The following TAFA5 variants were observed in gnomAD, a reference collection of about 807,000 sequenced individuals.
TAFA5 encodes chemokine-like protein TAFA-5.
In TAFA5, 6 loss-of-function variants were observed where a neutral mutation model predicts 15.3. The observed-to-expected ratio is 0.39, with a 90% CI of 0.21 to 0.77. The LOEUF (loss-of-function observed/expected upper bound fraction) is 0.77. TAFA5 is among the 30% of genes least tolerant of loss of function. The pLI, the probability that TAFA5 is intolerant of heterozygous loss-of-function variation, is 0.41. For missense variants in TAFA5, 161 were observed against 193.1 expected, an observed-to-expected ratio of 0.83 and a Z score of 0.98; for synonymous variants, 103 against 80.7, an observed-to-expected ratio of 1.28 and a Z score of -1.48.
chr22:48,686,484 A>G (rs766220230), intron 2 of TAFA5, among the ~76,000 whole-genome samples: 10 of 152,136 alleles, frequency 6.6e-5, no homozygotes, highest in Non-Finnish European at 1.3e-4. Context: ...TTATGGCCTA[A>G]TCACTGCCCA....
intron 1 of TAFA5, chr22:48,547,145 A>G (rs1265753227): frequency 6.6e-6 from 1 of 152,418 alleles, no homozygotes; most frequent in South Asian, 2.1e-4. Flanking sequence ...GATGGTATCT[A>G]TATTTTCAAA....
rs1031599564 is a variant in TAFA5, at chr22:48,516,278, T to A, written c.112+26574T>A. Among the ~76,000 whole-genome samples the A allele has an allele frequency of 6.6e-5, 10 of 152,316 alleles. No individual in the cohort carries two copies. In the East Asian group the frequency reaches 7.7e-4, roughly 12 times the overall value. ...ATGCTTGTGGAGATTGGGAATTTTT[T>A]AACTACATATTAACGGCTTTTCTTA... On this transcript the variant is annotated intron_variant, in intron 1 of 3. Coordinates refer to ENST00000402357, the MANE Select transcript of TAFA5 (RefSeq NM_001082967.3).
chr22:48,540,936 G>T (rs907746973), intron 1 of TAFA5, among the ~76,000 whole-genome samples: 6 of 151,854 alleles, frequency 4.0e-5, no homozygotes, highest in South Asian at 2.1e-4. Flanking sequence ...AGGTAACACA[G>T]GTCCTGGTAG....
At chr22:48,638,960 G>A (rs1458814073) in intron 1 of TAFA5, among the ~76,000 whole-genome samples, 2 of 143,840 alleles carry the variant, frequency 1.4e-5, no homozygotes, top group Non-Finnish European at 3.0e-5. Flanking sequence ...CTAAGCCCTG[G>A]GACACCACAC....
At chr22:48,605,739 C>T (rs967271981) in intron 1 of TAFA5, among the ~76,000 whole-genome samples, 1 of 152,128 alleles carries the variant, frequency 6.6e-6, no homozygotes, top group Admixed American at 6.5e-5. Flanking sequence ...GGGCTTTGCC[C>T]CTCTCACCCT....
chr22:48,682,489 A>G lies in TAFA5; in HGVS notation c.263-25228A>G, dbSNP rs140927997. ...CCCTGGTGACCCCACGTCCCACAGG[A>G]CCAGGCTGAGGCTGAAAAGAGGTCT... On this transcript the variant is annotated intron_variant, in intron 2 of 3. Coordinates refer to ENST00000402357, the MANE Select transcript of TAFA5 (RefSeq NM_001082967.3). Among the ~76,000 whole-genome samples, 404 of 152,338 alleles carry G rather than the reference A, an allele frequency of 2.7e-3. 13 individuals are homozygous for G. In the East Asian group the frequency reaches 0.062, roughly 23 times the overall value.
At chr22:48,540,132 A>G (rs1307674082) in intron 1 of TAFA5, among the ~76,000 whole-genome samples, 1 of 152,212 alleles carries the variant, frequency 6.6e-6, no homozygotes, top group African/African-American at 2.4e-5. Flanking sequence ...GGCCACCAGG[A>G]CTTGTGCCTT....
At chr22:48,652,019 A>T (rs1047010878) in intron 2 of TAFA5, among the ~76,000 whole-genome samples, 8 of 152,172 alleles carry the variant, frequency 5.3e-5, no homozygotes, top group African/African-American at 1.9e-4. Flanking sequence ...CATCATGCCT[A>T]GCTGCTCATG....
At chr22:48,696,592 C>T (rs972918585) in intron 2 of TAFA5, among the ~76,000 whole-genome samples, 1 of 152,230 alleles carries the variant, frequency 6.6e-6, no homozygotes, top group African/African-American at 2.4e-5. Flanking sequence ...GGAGCTCCCC[C>T]CAACTGCAGA....
intron 3 of TAFA5, among the ~76,000 whole-genome samples, chr22:48,725,949 ACC>A (rs1929702820): frequency 6.6e-6 from 1 of 152,086 alleles, no homozygotes; most frequent in Non-Finnish European, 1.5e-5. Context: ...AAACAAAAAC[ACC>A]CTGGATCTAG....
At chr22:48,601,788 G>A (rs1042338919) in intron 1 of TAFA5, among the ~76,000 whole-genome samples, 3 of 152,080 alleles carry the variant, frequency 2.0e-5, no homozygotes, top group Non-Finnish European at 2.9e-5. Flanking sequence ...CACACCCCAC[G>A]CCATCTGTGA....
chr22:48,663,992 A>T (rs1048034499), intron 2 of TAFA5, among the ~76,000 whole-genome samples: 1 of 152,258 alleles, frequency 6.6e-6, no homozygotes, highest in African/African-American at 2.4e-5. Context: ...AAAAAATCAC[A>T]TGCTGAGGTT....
At position 48,546,486 on chromosome 22, in the gene TAFA5, G is replaced by T. The variant is rs1227058160; in HGVS notation, c.112+56782G>T. On this transcript the variant is annotated intron_variant, in intron 1 of 3. Coordinates refer to ENST00000402357, the MANE Select transcript of TAFA5 (RefSeq NM_001082967.3). Reference sequence around the variant, plus strand: ...GAAAGAATCCCCTTTCTCAAACGGGGTGTGTGGACGCCCCTGTTTTTCTCA... The same window carrying T: ...GAAAGAATCCCCTTTCTCAAACGGGTTGTGTGGACGCCCCTGTTTTTCTCA... 5 of 470,820 alleles carry T rather than the reference G, an allele frequency of 1.1e-5. No homozygotes were observed. In the East Asian group the frequency reaches 3.5e-4, roughly 33 times the overall value. 29.2% of individuals were successfully genotyped at this position (470,820 alleles called of 1,614,324 possible).
At chr22:48,502,731 G>A (rs868604782) in intron 1 of TAFA5, among the ~76,000 whole-genome samples, 1 of 151,938 alleles carries the variant, frequency 6.6e-6, no homozygotes, top group Non-Finnish European at 1.5e-5. Context: ...CATGTTGGCC[G>A]GGCTGATTTC....
rs140850855 is a variant in TAFA5, at chr22:48,659,972, G to T, written c.262+13226G>T. Among the ~76,000 whole-genome samples, 21 of 152,284 alleles carry T rather than the reference G, an allele frequency of 1.4e-4. No homozygotes were observed. In the East Asian group the frequency reaches 3.5e-3, roughly 25 times the overall value. ...GATGCTTTGATCATGTGACTTGGAGGGGGGTGAGTGGGGTTGCCTCCCTGT... is the reference window on the plus strand; with the variant it reads ...GATGCTTTGATCATGTGACTTGGAGTGGGGTGAGTGGGGTTGCCTCCCTGT... On this transcript the variant is annotated intron_variant, in intron 2 of 3. Coordinates refer to ENST00000402357, the MANE Select transcript of TAFA5 (RefSeq NM_001082967.3).
chr22:48,601,324 T>A (rs1405108279), intron 1 of TAFA5, among the ~76,000 whole-genome samples: 2 of 152,106 alleles, frequency 1.3e-5, no homozygotes, highest in Non-Finnish European at 2.9e-5. Flanking sequence ...TATCTTTTTT[T>A]TTATTTTTTT....
At chr22:48,749,671 C>CCCTTCCT (rs1337636231) in intron 3 of TAFA5, among the ~76,000 whole-genome samples, 168 bp from the exon 4 acceptor site, 2 of 152,154 alleles carry the variant, frequency 1.3e-5, no homozygotes, top group Non-Finnish European at 2.9e-5. Context: ...TTTGGGGGCA[C>CCCTTCCT]TGTCTGGTGG....
intron 3 of TAFA5, among the ~76,000 whole-genome samples, chr22:48,713,763 G>C (rs1459401091): frequency 6.6e-6 from 1 of 152,238 alleles, no homozygotes; most frequent in Non-Finnish European, 1.5e-5. Context: ...AGGCCACCAG[G>C]ATCCTTGCCC....
intron 1 of TAFA5, among the ~76,000 whole-genome samples, chr22:48,588,560 A>G (rs990251118): frequency 6.6e-6 from 1 of 152,052 alleles, no homozygotes; most frequent in Non-Finnish European, 1.5e-5. Context: ...GTTGGACTCG[A>G]AGTGGGTCCC....
Sources: allele counts gnomAD v4.1 joint callset (sites outside exome capture counted in the v4.1 genomes callset), GRCh38; gene constraint gnomAD v4.1.1; transcripts MANE v1.5; gene names NCBI Gene and HGNC (gene_info 2026-07-23, HGNC 2026-07-21).